CPNE4: variants seen among roughly 807,000 people sequenced by gnomAD.
CPNE4 encodes copine-4.
CPNE4 carries 25 observed loss-of-function variants against 67.9 expected under a neutral mutation model. The ratio of observed to expected loss-of-function variants is 0.37; its 90% confidence interval spans 0.27 to 0.51. CPNE4 has a LOEUF of 0.51. CPNE4 is among the 20% of genes least tolerant of loss of function. The pLI is 0.93. For missense variants in CPNE4, 464 were observed against 690.8 expected (o/e 0.67, Z 3.68); for synonymous variants, 242 against 244.9 (o/e 0.99, Z 0.11).
Position 131,537,525 on chromosome 3 carries a change from C to T in CPNE4, c.1540-2196G>A, listed in dbSNP as rs572022186. Reference sequence around the variant, plus strand: ...CTCGAACTCCTGACCTCAGGTGATCCGCCCGCCTCAGCATCTCAAAGTCCT... The same window carrying T: ...CTCGAACTCCTGACCTCAGGTGATCTGCCCGCCTCAGCATCTCAAAGTCCT... On this transcript the variant is annotated intron_variant, in intron 15 of 15. Transcript: ENST00000429747. 20 of 188,232 alleles carry T rather than the reference C, an allele frequency of 1.1e-4. No homozygotes were observed. The East Asian group carries it at 2.7e-3, about 26-fold the overall frequency. The allele number at this position is 188,232 out of a possible 1,614,324, so 11.7% of individuals were successfully genotyped here.
intron 1 of CPNE4, among the ~76,000 whole-genome samples, chr3:131,924,898 C>T (rs534773464): frequency 2.6e-5 from 4 of 152,234 alleles, no homozygotes; most frequent in Admixed American, 2.6e-4. Flanking sequence ...TCCTTCAGCT[C>T]CCACCTCTTC....
intron 2 of CPNE4, among the ~76,000 whole-genome samples, chr3:131,872,724 C>G (rs1430481072): frequency 6.6e-6 from 1 of 152,174 alleles, no homozygotes; most frequent in African/African-American, 2.4e-5. Context: ...CTTTATCTCT[C>G]GGGATAATTG....
At chr3:131,854,521 T>G (rs887412823) in intron 2 of CPNE4, among the ~76,000 whole-genome samples, 1 of 151,950 alleles carries the variant, frequency 6.6e-6, no homozygotes, top group Non-Finnish European at 1.5e-5. Flanking sequence ...GACAAAATTT[T>G]TATATGCATA....
rs374385220 is a variant in CPNE4, at chr3:131,973,648, TATTA to T, written c.-2+60915_-2+60918del. Among the ~76,000 whole-genome samples the T allele has an allele frequency of 5.1e-3, 772 of 152,280 alleles. 6 individuals are homozygous for T. In the South Asian group the frequency reaches 0.051, roughly 10 times the overall value. ...TCAAACCCAGGCAATTTGATACCAG[TATTA>T]ATGTTTTCAACTCAGTATACTGAAT... On this transcript the variant is annotated intron_variant, in intron 1 of 15. Coordinates refer to ENST00000429747, the MANE Select transcript of CPNE4 (RefSeq NM_130808.3).
intron 5 of CPNE4, among the ~76,000 whole-genome samples, chr3:131,686,778 C>G (rs2080902022): frequency 6.6e-6 from 1 of 152,214 alleles, no homozygotes. Context: ...TGTTCAGTTT[C>G]TCTCTATGCT....
intron 7 of CPNE4, among the ~76,000 whole-genome samples, chr3:131,642,007 A>G (rs1282399417): frequency 6.6e-6 from 1 of 152,036 alleles, no homozygotes; most frequent in Non-Finnish European, 1.5e-5. Flanking sequence ...GACTTGGGGG[A>G]AAGGGTGAGG....
At chr3:131,798,910 A>T (rs975563193) in intron 2 of CPNE4, among the ~76,000 whole-genome samples, 20 of 152,146 alleles carry the variant, frequency 1.3e-4, no homozygotes, top group South Asian at 4.2e-4. Context: ...TTCACTTTTT[A>T]AAAAAAACCA....
At chr3:131,840,448 T>C (rs905864713) in intron 2 of CPNE4, among the ~76,000 whole-genome samples, 4 of 152,190 alleles carry the variant, frequency 2.6e-5, no homozygotes, top group African/African-American at 9.7e-5. Flanking sequence ...TTGATTTAAA[T>C]TTCTGCTCAG....
chr3:131,744,506 G>A (rs1042241617), intron 2 of CPNE4, among the ~76,000 whole-genome samples: 4 of 152,160 alleles, frequency 2.6e-5, no homozygotes, highest in African/African-American at 9.7e-5. Context: ...ATCATACCAA[G>A]ATAGTGACAC....
At chr3:131,920,880 C>T (rs777522497) in intron 1 of CPNE4, among the ~76,000 whole-genome samples, 3 of 152,132 alleles carry the variant, frequency 2.0e-5, no homozygotes, top group Non-Finnish European at 2.9e-5. Flanking sequence ...TCCTCCCTCT[C>T]CGCAAATTGA....
intron 2 of CPNE4, among the ~76,000 whole-genome samples, chr3:131,876,552 G>T (rs12498012): frequency 6.8e-6 from 1 of 146,802 alleles, no homozygotes; most frequent in African/African-American, 2.5e-5. Flanking sequence ...TGAGGCAGGA[G>T]AATGGCGTGA....
At chr3:131,774,486 A>C (rs912898495) in intron 2 of CPNE4, among the ~76,000 whole-genome samples, 1 of 152,120 alleles carries the variant, frequency 6.6e-6, no homozygotes. Flanking sequence ...GTATGAAAGA[A>C]CCTGGGTTCA....
intron 2 of CPNE4, among the ~76,000 whole-genome samples, chr3:131,841,573 G>A (rs1216053788): frequency 2.6e-5 from 4 of 152,166 alleles, no homozygotes; most frequent in East Asian, 1.9e-4. Context: ...ATAATCTAAC[G>A]CCTGATGATC....
chr3:131,795,963 G>A (rs561720370), intron 2 of CPNE4, among the ~76,000 whole-genome samples: 19 of 152,246 alleles, frequency 1.2e-4, no homozygotes, highest in African/African-American at 4.6e-4. Context: ...AGGTTGCAAC[G>A]CTTTATGAGA....
At chr3:131,886,328 G>T (rs1365569593) in intron 2 of CPNE4, among the ~76,000 whole-genome samples, 1 of 152,268 alleles carries the variant, frequency 6.6e-6, no homozygotes, top group African/African-American at 2.4e-5. Flanking sequence ...CAGAAGTCAA[G>T]AAATGAGGTT....
At chr3:131,903,127 C>A (rs148959734) in intron 2 of CPNE4, among the ~76,000 whole-genome samples, 3 of 152,152 alleles carry the variant, frequency 2.0e-5, no homozygotes, top group Non-Finnish European at 2.9e-5. Context: ...CCTTCTTTCT[C>A]CTATAGAGTG....
At chr3:131,563,981 C>T (rs946428806) in intron 11 of CPNE4, among the ~76,000 whole-genome samples, 2 of 152,036 alleles carry the variant, frequency 1.3e-5, no homozygotes, top group Non-Finnish European at 2.9e-5. Context: ...ACCAAAATTG[C>T]TATCCAATCG....
At chr3:131,988,966 T>G (rs1417802306) in intron 1 of CPNE4, among the ~76,000 whole-genome samples, 1 of 152,204 alleles carries the variant, frequency 6.6e-6, no homozygotes, top group Non-Finnish European at 1.5e-5. Flanking sequence ...GCATTTCCCC[T>G]CTTTCTTCCC....
chr3:132,037,881 A>G (rs901481402), upstream of CPNE4: 28 of 352,106 alleles, frequency 8.0e-5, no homozygotes, highest in African/African-American at 5.7e-4. Context: ...GGAGCAGATG[A>G]TGAAGGGGAA....
Sources: allele counts gnomAD v4.1 joint callset (sites outside exome capture counted in the v4.1 genomes callset), GRCh38; gene constraint gnomAD v4.1.1; transcripts MANE v1.5; gene names NCBI Gene and HGNC (gene_info 2026-07-23, HGNC 2026-07-21).